AMN: variants seen among roughly 807,000 people sequenced by gnomAD.
AMN encodes the protein protein amnionless.
Under a neutral mutation model 49.1 loss-of-function variants are expected in AMN, and 40 were observed. The observed-to-expected ratio is 0.81, with a 90% CI of 0.63 to 1.06. The LOEUF (loss-of-function observed/expected upper bound fraction) is 1.06. Ranked by LOEUF, AMN falls within the 50% of genes least tolerant of loss-of-function variation. The pLI is 0.00. For synonymous variants in AMN, 380 were observed against 313.3 expected (o/e 1.21, Z -2.25); for missense variants, 701 against 662.8 (o/e 1.06, Z -0.63).
intron 3 of AMN, among the ~76,000 whole-genome samples, chr14:102,927,150 T>C (rs569089574): frequency 6.6e-6 from 1 of 152,304 alleles, no homozygotes. Context: ...CGCTTCGGCC[T>C]TCCAAAGTGT....
chr14:102,928,358 G>A (rs1368107702), intron 3 of AMN, 68 bp from the exon 4 acceptor site: 8 of 1,424,350 alleles, frequency 5.6e-6, no homozygotes, highest in African/African-American at 2.8e-5. Flanking sequence ...CAGGGGACTG[G>A]GGGCGGGGTG....
At chr14:102,929,008 CT>C in intron 5 of AMN, 33 bp downstream of exon 5, 1 of 1,594,894 alleles carries the variant, frequency 6.3e-7, no homozygotes, top group Non-Finnish European at 8.5e-7. Flanking sequence ...CTCGGGTCCC[CT>C]CTCCCCACCT....
intron 3 of AMN, among the ~76,000 whole-genome samples, chr14:102,924,355 C>A (rs1030552205): frequency 1.3e-5 from 2 of 149,976 alleles, no homozygotes; most frequent in African/African-American, 2.5e-5. Context: ...ACACCCCCCC[C>A]TCTACCCACC....
chr14:102,929,090 C>A (rs1291554419), intron 5 of AMN, 31 bp from the exon 6 acceptor site: 2 of 1,597,642 alleles, frequency 1.3e-6, no homozygotes, highest in Non-Finnish European at 1.7e-6. Flanking sequence ...CTTCCTCGGG[C>A]TGGCTCCGGT....
chr14:102,922,814 G>A (rs1272206153), intron 1 of AMN, 83 bp downstream of exon 1: 4 of 1,509,374 alleles, frequency 2.7e-6, no homozygotes, highest in Non-Finnish European at 3.6e-6. Flanking sequence ...GGCCTGGAGG[G>A]TGAAGATCTT....
Position 102,929,962 on chromosome 14 carries a change from G to A in AMN, c.882G>A (p.Val294=), listed in dbSNP as rs777586051. 1.9e-6 allele frequency: 3 copies of A among 1,564,240 alleles called. No individual in the cohort carries two copies. Among genetic ancestry groups the A allele is most frequent in the South Asian group, 1.2e-5 (1 of 84,842 alleles). The change falls in exon 9 of 12, where the codon GTG becomes GTA. Residue 294 remains valine, a synonymous_variant. Coordinates refer to ENST00000299155, the MANE Select transcript of AMN (RefSeq NM_030943.4). ...YHGLQVAVSK[V]PRSSRLREAD... ...GGCTGCAGGTGGCCGTGTCCAAGGT[G>A]CCACGCTCGTCCCGGCTCCGTGAGG...
chr14:102,924,355 C>T (rs1030552205), intron 3 of AMN, among the ~76,000 whole-genome samples: 29 of 149,976 alleles, frequency 1.9e-4, no homozygotes, highest in African/African-American at 6.9e-4. Flanking sequence ...ACACCCCCCC[C>T]TCTACCCACC....
At position 102,928,489 on chromosome 14, in the gene AMN, G is replaced by T; in HGVS notation, c.271G>T (p.Gly91Cys). The change falls in exon 4 of 12, where the codon GGC (glycine) becomes TGC (cysteine). Residue 91 changes from glycine to cysteine, a missense_variant. Transcript: ENST00000299155. Reference protein sequence around the residue: ...SGAGFGVSDVGSHLDCGAGEP... With the variant: ...SGAGFGVSDVCSHLDCGAGEP... The stretch of plus-strand genomic sequence containing the variant: ...AGCCGGATTCGGCGTCTCAGACGTG[G>T]GCTCGCACCTGGACTGTGGCGCGGG... The T allele has an allele frequency of 6.2e-7, 1 of 1,609,470 alleles. No individual in the cohort carries two copies.
At position 102,930,086 on chromosome 14, in the gene AMN, G is replaced by C. The variant is rs1339571276; in HGVS notation, c.1006G>C (p.Gly336Arg). ...CCTCCTGGCGGACGTCGCCGAGAAC[G>C]GTAACCGCGCCCGCCCCATCCCGCC... ...RALLADVAEN[G>R]EALGVLEATM... The change falls in exon 9 of 12, where the codon GGC becomes CGC. Residue 336 changes from glycine to arginine, a missense_variant and splice_region_variant. Transcript: ENST00000299155. 2 of 1,537,528 alleles carry C rather than the reference G, an allele frequency of 1.3e-6. No homozygotes were observed. Among genetic ancestry groups the C allele is most frequent in the South Asian group, 1.2e-5 (1 of 83,324 alleles).
At chr14:102,926,361 C>T (rs1399561118) in intron 3 of AMN, among the ~76,000 whole-genome samples, 1 of 152,140 alleles carries the variant, frequency 6.6e-6, no homozygotes, top group Non-Finnish European at 1.5e-5. Context: ...TGCTGGAATC[C>T]GTCGTGTGCC....
chr14:102,928,594 C>T, intron 4 of AMN, 81 bp downstream of exon 4: 7 of 1,516,848 alleles, frequency 4.6e-6, no homozygotes, highest in South Asian at 1.2e-5. Flanking sequence ...TCGAGGGGGG[C>T]GAGGACCGGA....
intron 1 of AMN, chr14:102,923,189 C>G: frequency 4.1e-6 from 1 of 244,136 alleles, no homozygotes; most frequent in Non-Finnish European, 8.1e-6. Context: ...CTCGCGGCTC[C>G]CTCAGGACAA....
At chr14:102,927,558 C>T (rs2060547740) in intron 3 of AMN, among the ~76,000 whole-genome samples, 1 of 152,182 alleles carries the variant, frequency 6.6e-6, no homozygotes, top group African/African-American at 2.4e-5. Flanking sequence ...GACCTCACGT[C>T]GCTGGGGGTG....
rs1051983737 is a variant in AMN, at chr14:102,930,094, C to T, written c.1006+8C>T. The T allele has an allele frequency of 2.0e-6, 3 of 1,530,156 alleles. No homozygotes were observed. The highest frequency in any genetic ancestry group is 1.2e-5 in the South Asian group (1 of 82,566). The allele number at this position is 1,530,156 out of a possible 1,614,324, so 94.8% of individuals were successfully genotyped here. A position where few individuals can be genotyped will look rare whatever the true frequency, so the allele number is the denominator to read the frequency against. On this transcript the variant is annotated splice_region_variant and intron_variant, in intron 9 of 11. Transcript: ENST00000299155. ...CGGACGTCGCCGAGAACGGTAACCG[C>T]GCCCGCCCCATCCCGCCCCGCCGCG... is the stretch of plus-strand genomic sequence containing the variant.
rs748549145 is a variant in AMN, at chr14:102,928,467, C to T, written c.249C>T (p.Ala83=). The change falls in exon 4 of 12, where the codon GCC becomes GCT. Residue 83 remains alanine (A), a synonymous_variant. Coordinates refer to ENST00000299155, the MANE Select transcript of AMN (RefSeq NM_030943.4). ...GGGAACTCGTCCTGGCTTCAGGAGC[C>T]GGATTCGGCGTCTCAGACGTGGGCT... is the stretch of plus-strand genomic sequence containing the variant. ...LDGELVLASG[A]GFGVSDVGSH... is the part of the protein sequence containing the mutation. 3.1e-6 allele frequency: 5 copies of T among 1,609,762 alleles called. No homozygotes were observed. Among genetic ancestry groups the T allele is most frequent in the Admixed American group, 3.3e-5 (2 of 59,864 alleles).
At chr14:102,925,491 T>C (rs1891165261) in intron 3 of AMN, among the ~76,000 whole-genome samples, 2 of 152,102 alleles carry the variant, frequency 1.3e-5, no homozygotes, top group South Asian at 2.1e-4. Context: ...CGGTTGCCCC[T>C]TGTGGCCCGG....
intron 6 of AMN, 59 bp from the exon 7 acceptor site, chr14:102,929,369 C>T (rs1595433871): frequency 8.6e-6 from 13 of 1,515,610 alleles, no homozygotes; most frequent in African/African-American, 2.8e-5. Flanking sequence ...TCGGAGGCAT[C>T]GCCCTTCTCG....
Position 102,930,586 on chromosome 14 carries a change from G to C in AMN, c.1268G>C (p.Arg423Pro). 1 of 1,581,628 alleles carries C rather than the reference G, an allele frequency of 6.3e-7. No individual in the cohort carries two copies. The highest frequency in any genetic ancestry group is 1.2e-5 in the South Asian group (1 of 86,798). The part of the protein sequence containing the change: ...VTASEELPLP[R>P]RLSLVPKAAA... ...CCTGTCACCCCGCAGCCCCTGCCGC[G>C]GCGGCTCAGCCTGGTTCCGAAGGCG... Residue 423 changes from arginine (R) to proline (P), a missense_variant, in exon 12 of 12, where the codon CGG becomes CCG. Coordinates refer to ENST00000299155, the MANE Select transcript of AMN (RefSeq NM_030943.4).
At chr14:102,924,051 T>C (rs2749513) in intron 3 of AMN, 72 bp downstream of exon 3, 19 of 1,603,456 alleles carry the variant, frequency 1.2e-5, no homozygotes, top group Admixed American at 1.7e-5. Context: ...GGGACTGCTG[T>C]GCCTTGAGGG....
Sources: gnomAD v4.1 joint callset for allele counts (sites outside exome capture counted in the v4.1 genomes callset) on GRCh38, gnomAD v4.1.1 for gene constraint, MANE v1.5 for transcripts, NCBI Gene and HGNC (gene_info 2026-07-23, HGNC 2026-07-21) for gene names.